Variants in L3MBTL3 observed in about 807,000 individuals in gnomAD.
L3MBTL3 encodes lethal(3)malignant brain tumor-like protein 3.
L3MBTL3 carries 27 observed loss-of-function variants against 102.3 expected under a neutral mutation model. The ratio of observed to expected loss-of-function variants is 0.26; its 90% CI spans 0.19 to 0.36. The LOEUF (loss-of-function observed/expected upper bound fraction) is 0.36, where lower values mean the gene tolerates loss of function less well. Among genes scored for constraint, L3MBTL3 ranks in the 10% least tolerant of loss-of-function variants. L3MBTL3 has a pLI of 1.00. For missense variants in L3MBTL3, 798 were observed against 955.3 expected, an observed-to-expected ratio of 0.84 and a Z score of 2.17; for synonymous variants, 340 against 320.9, an observed-to-expected ratio of 1.06 and a Z score of -0.64.
chr6:130,103,217 ATG>A, intron 18 of L3MBTL3, among the ~76,000 whole-genome samples: 1 of 152,168 alleles, frequency 6.6e-6, no homozygotes, highest in East Asian at 1.9e-4. Context: ...GTTTTTGTTG[ATG>A]TTAAGCTAAC....
At chr6:130,081,584 A>T (rs56393178) in intron 14 of L3MBTL3, among the ~76,000 whole-genome samples, 6,142 of 145,206 alleles carry the variant, frequency 0.042, 179 homozygotes, top group Non-Finnish European at 0.063. Flanking sequence ...ACACCTGGCT[A>T]TTTTTTTTTT....
intron 2 of L3MBTL3, among the ~76,000 whole-genome samples, chr6:130,029,426 C>T (rs757952955): frequency 6.6e-6 from 1 of 152,176 alleles, no homozygotes; most frequent in Non-Finnish European, 1.5e-5. Context: ...GTTTTTATGC[C>T]TCCTCAGCAA....
intron 16 of L3MBTL3, among the ~76,000 whole-genome samples, chr6:130,089,117 G>T (rs1783872765): frequency 1.3e-5 from 2 of 151,910 alleles, no homozygotes; most frequent in South Asian, 4.2e-4. Flanking sequence ...TGTACAACGT[G>T]CAGGTTTGTC....
intron 2 of L3MBTL3, among the ~76,000 whole-genome samples, chr6:130,022,636 AATAT>A (rs1779085658): frequency 6.6e-6 from 1 of 152,250 alleles, no homozygotes; most frequent in Non-Finnish European, 1.5e-5. Flanking sequence ...ATTGTAAATT[AATAT>A]AAGTGTTACA....
In L3MBTL3 at chr6:130,043,189, A is replaced by G. The variant is rs1338853654; in HGVS notation, c.102+388A>G. Among the ~76,000 whole-genome samples the G allele has an allele frequency of 2.0e-5, 3 of 152,216 alleles. No homozygotes were observed. In the East Asian group the frequency reaches 5.8e-4, roughly 29 times the overall value. ...TTGTAACTTTAAGTGAATAGCCACA[A>G]TCTCTGTGTCCTAGAGTTCTCATTT... is the stretch of plus-strand genomic sequence containing the variant. On this transcript the variant is annotated intron_variant, in intron 3 of 22. Transcript: ENST00000361794.
intron 2 of L3MBTL3, among the ~76,000 whole-genome samples, chr6:130,037,836 A>C (rs1780156822): frequency 6.6e-6 from 1 of 152,112 alleles, no homozygotes; most frequent in African/African-American, 2.4e-5. Flanking sequence ...ATTATTTTTA[A>C]CTATATTCAC....
At chr6:130,067,435 C>T (rs1273812202) in intron 11 of L3MBTL3, among the ~76,000 whole-genome samples, 3 of 152,144 alleles carry the variant, frequency 2.0e-5, no homozygotes, top group East Asian at 3.9e-4. Flanking sequence ...TATCTTATTC[C>T]CTTCTATTTC....
intron 19 of L3MBTL3, among the ~76,000 whole-genome samples, chr6:130,117,340 T>C (rs2115462656): frequency 6.6e-6 from 1 of 151,430 alleles, no homozygotes; most frequent in East Asian, 1.9e-4. Context: ...CCATGGTGTA[T>C]ATGTGCCACA....
At chr6:130,049,237 C>G in intron 3 of L3MBTL3, 45 bp from the exon 4 acceptor site, 1 of 1,086,414 alleles carries the variant, frequency 9.2e-7, no homozygotes, top group Non-Finnish European at 1.4e-6. Flanking sequence ...TAATGACTTT[C>G]CTGAGCACTT....
In L3MBTL3 at chr6:130,048,967, C is replaced by CACACACACACACACAT. The variant is rs71678245; in HGVS notation, c.103-312_103-311insCACACACACACATACA. 8.1e-3 allele frequency among the ~76,000 whole-genome samples: 1,221 copies of CACACACACACACACAT among 150,558 alleles called. 13 individuals are homozygous for CACACACACACACACAT. The highest frequency in any genetic ancestry group is 0.017 in the South Asian group (82 of 4,738). Reference sequence around the variant, plus strand: ...ACACACACACACACACACACACACACACATACACACACAAAGTGTGTTTGA... The same window carrying CACACACACACACACAT: ...ACACACACACACACACACACACACACACACACACACACACATACATACACACACAAAGTGTGTTTGA... On this transcript the variant is annotated intron_variant, in intron 3 of 22. Coordinates refer to ENST00000361794, the MANE Select transcript of L3MBTL3 (RefSeq NM_032438.4).
intron 13 of L3MBTL3, among the ~76,000 whole-genome samples, chr6:130,077,325 T>C (rs1432593802): frequency 1.3e-5 from 2 of 152,182 alleles, no homozygotes; most frequent in African/African-American, 4.8e-5. Context: ...AAATACCTTT[T>C]ATGAAAATAT....
At chr6:130,049,976 A>AC in intron 5 of L3MBTL3, 146 bp downstream of exon 5, 1 of 1,032,818 alleles carries the variant, frequency 9.7e-7, no homozygotes. Context: ...CACAGGAGTC[A>AC]TCCTGAATTT....
chr6:130,064,607 C>T (rs2114944751), intron 10 of L3MBTL3, among the ~76,000 whole-genome samples: 1 of 152,224 alleles, frequency 6.6e-6, no homozygotes, highest in African/African-American at 2.4e-5. Flanking sequence ...TTGCTTCAGC[C>T]ATATGGCTCG....
intron 2 of L3MBTL3, among the ~76,000 whole-genome samples, chr6:130,030,051 G>T (rs1347178403): frequency 6.6e-6 from 1 of 151,964 alleles, no homozygotes; most frequent in Admixed American, 6.6e-5. Flanking sequence ...TAGAGATAGG[G>T]TTTCACCATG....
chr6:130,100,799 A>G (rs946380805), intron 18 of L3MBTL3, among the ~76,000 whole-genome samples: 2 of 152,186 alleles, frequency 1.3e-5, no homozygotes, highest in African/African-American at 4.8e-5. Flanking sequence ...CCTAGGGCTT[A>G]GAATATAAAT....
chr6:130,129,811 T>G (rs549956415), intron 20 of L3MBTL3, among the ~76,000 whole-genome samples: 1 of 152,328 alleles, frequency 6.6e-6, no homozygotes, highest in South Asian at 2.1e-4. Flanking sequence ...AAACCTACTC[T>G]TCCTTACTCT....
In L3MBTL3 at chr6:130,086,512, G is replaced by A. The variant is rs1436675992; in HGVS notation, c.1518+262G>A. ...AAGAAAGTAGATACAACACATTAAA[G>A]TAGTATTATATTCAGAAGAAAAGAT... On this transcript the variant is annotated intron_variant, in intron 16 of 22. Coordinates refer to ENST00000361794, the MANE Select transcript of L3MBTL3 (RefSeq NM_032438.4). Among the ~76,000 whole-genome samples the A allele has an allele frequency of 2.0e-5, 3 of 152,164 alleles. No individual in the cohort carries two copies. In the East Asian group the frequency reaches 5.8e-4, roughly 29 times the overall value.
chr6:130,097,562 T>C (rs1784435397), intron 18 of L3MBTL3, among the ~76,000 whole-genome samples: 1 of 152,110 alleles, frequency 6.6e-6, no homozygotes, highest in Admixed American at 6.5e-5. Context: ...TTTAAAATGG[T>C]GAAATATAAA....
At chr6:130,136,066 CAT>C (rs1407077658) in intron 22 of L3MBTL3, among the ~76,000 whole-genome samples, 3 of 152,032 alleles carry the variant, frequency 2.0e-5, no homozygotes, top group Admixed American at 2.0e-4. Flanking sequence ...ATCTTTGAAA[CAT>C]GTAAAACCCT....
Sources: allele counts gnomAD v4.1 joint callset (sites outside exome capture counted in the v4.1 genomes callset), GRCh38; gene constraint gnomAD v4.1.1; transcripts MANE v1.5; gene names NCBI Gene and HGNC (gene_info 2026-07-23, HGNC 2026-07-21).